The following NR5A2 variants were observed in gnomAD, a reference collection of about 807,000 sequenced individuals.
NR5A2 encodes CYP7A promoter-binding factor.
NR5A2 carries 26 observed loss-of-function variants against 62.7 expected under a neutral mutation model. The ratio of observed to expected loss-of-function variants is 0.41; its 90% CI spans 0.30 to 0.58. The LOEUF (loss-of-function observed/expected upper bound fraction) is 0.58. Among genes scored for constraint, NR5A2 ranks in the 20% least tolerant of loss-of-function variants. NR5A2 has a pLI of 0.22. For missense variants in NR5A2, 541 were observed against 669.1 expected, an observed-to-expected ratio of 0.81 and a Z score of 2.11; for synonymous variants, 246 against 241.7, an observed-to-expected ratio of 1.02 and a Z score of -0.16.
At chr1:200,042,693 G>C (rs375791221) in intron 2 of NR5A2, 2 of 482,722 alleles carry the variant, frequency 4.1e-6, no homozygotes, top group South Asian at 1.8e-4. Context: ...CAGGGTCCCG[G>C]CTGCGCAGAC....
intron 5 of NR5A2, among the ~76,000 whole-genome samples, chr1:200,073,700 CCA>C (rs750209004): frequency 2.7e-5 from 4 of 150,580 alleles, no homozygotes; most frequent in South Asian, 2.1e-4. Context: ...CACACACACA[CCA>C]CACACACACA....
chr1:200,143,792 C>T (rs1667550627), intron 7 of NR5A2, among the ~76,000 whole-genome samples: 1 of 152,002 alleles, frequency 6.6e-6, no homozygotes, highest in Admixed American at 6.6e-5. Context: ...CAGGCGCGCG[C>T]CACCAGGCCC....
At chr1:200,091,561 TG>T (rs1401835713) in intron 5 of NR5A2, among the ~76,000 whole-genome samples, 1 of 149,836 alleles carries the variant, frequency 6.7e-6, no homozygotes, top group Admixed American at 6.8e-5. Context: ...CTCGGCTCAC[TG>T]CAACCTCTAC....
chr1:200,054,829 G>A (rs72739183), intron 5 of NR5A2, among the ~76,000 whole-genome samples: 3,400 of 151,690 alleles, frequency 0.022, 60 homozygotes, highest in Non-Finnish European at 0.034. Context: ...CCCAATGCAG[G>A]CCTATAATCT....
Position 200,147,669 on chromosome 1 carries a change from G to A in NR5A2, c.1379-26294G>A, listed in dbSNP as rs1667771562. On this transcript the variant is annotated intron_variant, in intron 7 of 7. Coordinates refer to ENST00000367362, the MANE Select transcript of NR5A2 (RefSeq NM_205860.3). The surrounding 1 kb of genome is among the most constrained non-coding windows in gnomAD (Gnocchi z 4.9). ...CGATTGAGTTGAAGTCGGACACGTG[G>A]AAGACATGGGTGGACTTGGGCTCCG... The A allele has an allele frequency of 1.4e-6, 1 of 695,916 alleles. No homozygotes were observed. The highest frequency in any genetic ancestry group is 1.8e-5 in the Admixed American group (1 of 55,464). The allele number at this position is 695,916 out of a possible 1,614,324, so 43.1% of individuals were successfully genotyped here. A position where few individuals can be genotyped will look rare whatever the true frequency, so the allele number is the denominator to read the frequency against.
chr1:200,038,779 C>G, intron 1 of NR5A2: 2 of 1,343,224 alleles, frequency 1.5e-6, no homozygotes, highest in Non-Finnish European at 2.0e-6. Flanking sequence ...AGCTGTAAGA[C>G]CCGGCTGCAT....
chr1:200,037,167 A>C (rs1221513697), intron 1 of NR5A2, among the ~76,000 whole-genome samples: 2 of 152,190 alleles, frequency 1.3e-5, no homozygotes, highest in Admixed American at 1.3e-4. Context: ...AGCTGGCGTT[A>C]TGAGCATGGT....
chr1:200,121,569 A>G (rs764644089), intron 7 of NR5A2, among the ~76,000 whole-genome samples: 1 of 152,222 alleles, frequency 6.6e-6, no homozygotes, highest in Non-Finnish European at 1.5e-5. Flanking sequence ...TCAGTGAGTC[A>G]GTTGAGAAAA....
chr1:200,135,108 T>A (rs1368280852), intron 7 of NR5A2, among the ~76,000 whole-genome samples: 2 of 152,228 alleles, frequency 1.3e-5, no homozygotes, highest in Non-Finnish European at 2.9e-5. Context: ...ATGGCTAACG[T>A]GCTCATGACC....
intron 1 of NR5A2, among the ~76,000 whole-genome samples, chr1:200,034,898 T>A (rs1387230093): frequency 6.7e-6 from 1 of 149,438 alleles, no homozygotes; most frequent in African/African-American, 2.5e-5. Flanking sequence ...TTCCTATGGC[T>A]GTACTGAAAT....
chr1:200,114,949 A>G (rs1571502813), intron 6 of NR5A2, among the ~76,000 whole-genome samples: 1 of 152,320 alleles, frequency 6.6e-6, no homozygotes, highest in Non-Finnish European at 1.5e-5. Flanking sequence ...TATGGTCTTC[A>G]TGTGTAATTC....
chr1:200,096,922 C>G (rs1227870143), intron 5 of NR5A2, among the ~76,000 whole-genome samples: 1 of 152,274 alleles, frequency 6.6e-6, no homozygotes, highest in East Asian at 1.9e-4. Context: ...TGTGTAGGTT[C>G]ACTCTCTGCT....
At chr1:200,072,885 G>T (rs1305756300) in intron 5 of NR5A2, among the ~76,000 whole-genome samples, 1 of 152,102 alleles carries the variant, frequency 6.6e-6, no homozygotes, top group South Asian at 2.1e-4. Flanking sequence ...TAGCAAGCCC[G>T]TGAATTTAGA....
At chr1:200,085,141 CT>C (rs1263850917) in intron 5 of NR5A2, among the ~76,000 whole-genome samples, 1 of 152,104 alleles carries the variant, frequency 6.6e-6, no homozygotes, top group African/African-American at 2.4e-5. Context: ...TGTATGTACC[CT>C]TTTTTACTTG....
At chr1:200,029,037 C>T (rs1357626384) in intron 1 of NR5A2, 2 of 441,926 alleles carry the variant, frequency 4.5e-6, no homozygotes, top group African/African-American at 2.1e-5. Flanking sequence ...CTGCAGATAA[C>T]ACAGAAAATA....
intron 1 of NR5A2, among the ~76,000 whole-genome samples, chr1:200,037,628 G>C (rs1661840019): frequency 6.6e-6 from 1 of 152,168 alleles, no homozygotes; most frequent in Non-Finnish European, 1.5e-5. Context: ...GAAATGTAGT[G>C]ACAGTGATAC....
intron 1 of NR5A2, among the ~76,000 whole-genome samples, chr1:200,034,552 T>C (rs1050777240): frequency 1.6e-5 from 2 of 128,968 alleles, no homozygotes. Context: ...GGCCAAACTC[T>C]CCAAAAAGCC....
intron 5 of NR5A2, among the ~76,000 whole-genome samples, chr1:200,107,746 TCTC>T (rs1665755842): frequency 2.0e-5 from 3 of 151,922 alleles, no homozygotes; most frequent in Non-Finnish European, 4.4e-5. Flanking sequence ...TTCAAGCAAT[TCTC>T]CTGTCTCAGC....
intron 7 of NR5A2, among the ~76,000 whole-genome samples, chr1:200,155,705 A>T (rs1653345729): frequency 6.7e-6 from 1 of 150,154 alleles, no homozygotes; most frequent in Non-Finnish European, 1.5e-5. Flanking sequence ...GGACAGTCTC[A>T]CTCTGTCACC....
Sources: allele counts gnomAD v4.1 joint callset (sites outside exome capture counted in the v4.1 genomes callset), GRCh38; gene constraint gnomAD v4.1.1; non-coding constraint Gnocchi (gnomAD v3.1); transcripts MANE v1.5; gene names NCBI Gene and HGNC (gene_info 2026-07-23, HGNC 2026-07-21).